Variants in NPHP1 observed in about 807,000 individuals in gnomAD.
NPHP1 encodes nephrocystin-1.
Under a neutral mutation model 90.4 loss-of-function variants are expected in NPHP1, and 70 were observed. The ratio of observed to expected loss-of-function variants is 0.77; its 90% CI spans 0.64 to 0.95. The LOEUF (loss-of-function observed/expected upper bound fraction) is 0.95. Among genes scored for constraint, NPHP1 ranks in the 40% least tolerant of loss-of-function variants. NPHP1 has a pLI of 0.00. For missense variants in NPHP1, 764 were observed against 795.9 expected (o/e 0.96, Z 0.48); for synonymous variants, 256 against 271.7 (o/e 0.94, Z 0.57).
intron 16 of NPHP1, among the ~76,000 whole-genome samples, chr2:110,135,471 C>G (rs1240844677): frequency 8.6e-6 from 1 of 116,054 alleles, no homozygotes; most frequent in South Asian, 2.8e-4. Context: ...AGCGAGACCC[C>G]GTCTCAAAAA....
intron 16 of NPHP1, among the ~76,000 whole-genome samples, chr2:110,138,027 GA>G (rs1553482797): frequency 4.6e-5 from 7 of 151,928 alleles, no homozygotes; most frequent in South Asian, 2.1e-4. Flanking sequence ...CCTTTGTAGG[GA>G]CATGGATGAA....
intron 2 of NPHP1, 56 bp from the exon 3 acceptor site, chr2:110,179,740 G>T: frequency 1.2e-6 from 1 of 830,670 alleles, no homozygotes; most frequent in Non-Finnish European, 2.0e-6. Context: ...GAACCAGAAA[G>T]CTATTTTATA....
chr2:110,174,657 T>C lies in NPHP1; in HGVS notation c.329+3766A>G, dbSNP rs1448123286. 3.3e-5 allele frequency among the ~76,000 whole-genome samples: 5 copies of C among 152,268 alleles called. No homozygotes were observed. The East Asian group carries it at 7.7e-4, about 23-fold the overall frequency. On this transcript the variant is annotated intron_variant, in intron 4 of 19. Transcript: ENST00000445609. ...TACTCACAGTGCTTTTGTGGTCATT[T>C]GTGGACATACACAAAGCAGCAAAAA...
At chr2:110,149,330 A>C (rs1681293217) in intron 12 of NPHP1, among the ~76,000 whole-genome samples, 1 of 152,164 alleles carries the variant, frequency 6.6e-6, no homozygotes, top group Admixed American at 6.5e-5. Flanking sequence ...AAACATTAAA[A>C]AATTCTACCC....
chr2:110,131,520 C>A (rs1184846057), intron 17 of NPHP1, among the ~76,000 whole-genome samples, 159 bp downstream of exon 17: 1 of 152,146 alleles, frequency 6.6e-6, no homozygotes, highest in Non-Finnish European at 1.5e-5. Flanking sequence ...TGCTTTGGAT[C>A]TGAAGATGTC....
intron 11 of NPHP1, among the ~76,000 whole-genome samples, chr2:110,153,759 A>G (rs906378165): frequency 6.6e-6 from 1 of 152,100 alleles, no homozygotes; most frequent in African/African-American, 2.4e-5. Flanking sequence ...AGGCAGGTGG[A>G]TCACCTGAGG....
At chr2:110,198,057 G>C (rs1685288713) in intron 2 of NPHP1, among the ~76,000 whole-genome samples, 1 of 151,940 alleles carries the variant, frequency 6.6e-6, no homozygotes, top group South Asian at 2.1e-4. Context: ...CGTTTGAAAA[G>C]GTAACAAACT....
intron 16 of NPHP1, among the ~76,000 whole-genome samples, chr2:110,140,032 C>T (rs1680513951): frequency 6.6e-6 from 1 of 152,104 alleles, no homozygotes; most frequent in African/African-American, 2.4e-5. Flanking sequence ...CCACCCCGCC[C>T]CCTGACTACA....
rs1684032113 is a variant in NPHP1 at position 110,183,215 on chromosome 2, C to T, written c.144-3531G>A. The stretch of plus-strand genomic sequence containing the variant: ...AATCTCTGCAGCACTGTGACATGTT[C>T]ATGATGGCCATGATGCCCATGGTGA... On this transcript the variant is annotated intron_variant, in intron 2 of 19. Transcript: ENST00000445609. 2.0e-5 allele frequency among the ~76,000 whole-genome samples: 3 copies of T among 152,128 alleles called. No homozygotes were observed. In the South Asian group the frequency reaches 6.2e-4, roughly 32 times the overall value.
At chr2:110,170,302 T>C (rs1054987956) in intron 4 of NPHP1, among the ~76,000 whole-genome samples, 3 of 152,180 alleles carry the variant, frequency 2.0e-5, no homozygotes, top group African/African-American at 7.2e-5. Flanking sequence ...AGCATTATTA[T>C]GAAGTACTTA....
At position 110,169,834 on chromosome 2, in the gene NPHP1, G is replaced by A; in HGVS notation, c.494C>T (p.Ala165Val). 6.2e-7 allele frequency: 1 copy of A among 1,613,256 alleles called. No homozygotes were observed. The highest frequency in any genetic ancestry group is 8.5e-7 in the Non-Finnish European group (1 of 1,179,350). Residue 165 changes from alanine (A) to valine (V), a missense_variant, in exon 5 of 20, where the codon GCT (alanine) becomes GTT (valine). Ala to Val is a moderately conservative substitution (Grantham distance 64, BLOSUM62 0). Coordinates refer to ENST00000445609, the MANE Select transcript of NPHP1 (RefSeq NM_001128178.3). ...EEYIAVGDFT[A>V]QQVGDLTFKK... Reference sequence around the variant, plus strand: ...AAATGTAAGATCTCCAACTTGCTGAGCAGTAAAATCTCCAACAGCGATGTA... The same window carrying A: ...AAATGTAAGATCTCCAACTTGCTGAACAGTAAAATCTCCAACAGCGATGTA...
chr2:110,139,187 T>C (rs952237135), intron 16 of NPHP1, among the ~76,000 whole-genome samples: 2 of 144,672 alleles, frequency 1.4e-5, no homozygotes, highest in African/African-American at 5.3e-5. Flanking sequence ...AAAAGGATAA[T>C]GAATTTATAG....
chr2:110,195,263 C>T (rs1247073252), intron 2 of NPHP1, among the ~76,000 whole-genome samples: 10 of 152,152 alleles, frequency 6.6e-5, no homozygotes, highest in African/African-American at 1.9e-4. Context: ...AAAACCCCAT[C>T]GTCTCAGCCT....
chr2:110,136,202 G>A (rs10179522), intron 16 of NPHP1, among the ~76,000 whole-genome samples: 9 of 151,802 alleles, frequency 5.9e-5, no homozygotes, highest in Admixed American at 2.6e-4. Context: ...TATGACAAAC[G>A]CACAGCCAAT....
At chr2:110,196,671 T>G (rs1307853525) in intron 2 of NPHP1, among the ~76,000 whole-genome samples, 2 of 152,172 alleles carry the variant, frequency 1.3e-5, no homozygotes, top group Admixed American at 1.3e-4. Context: ...CCCAAAGGAT[T>G]ATAAATCATG....
intron 2 of NPHP1, among the ~76,000 whole-genome samples, chr2:110,190,856 A>G (rs79124823): frequency 0.043 from 6,501 of 152,216 alleles, 456 homozygotes; most frequent in African/African-American, 0.15. Context: ...AAAATAAGCA[A>G]ATTTATAAGA....
Position 110,143,590 on chromosome 2 carries a change from A to T in NPHP1, c.1481T>A (p.Leu494His). 1.2e-6 allele frequency: 2 copies of T among 1,613,868 alleles called. No homozygotes were observed. Among genetic ancestry groups the T allele is most frequent in the Non-Finnish European group, 1.7e-6 (2 of 1,179,760 alleles). ...GTTCAAGGATCTCAGTTTCACTAGAAGTTGAGGCTGCCTTCTCATTGTCAT... is the reference window on the plus strand; with the variant it reads ...GTTCAAGGATCTCAGTTTCACTAGATGTTGAGGCTGCCTTCTCATTGTCAT... ...QIMTMRRQPQLLVKLRSLNRR... is the reference protein window; with the variant it reads ...QIMTMRRQPQHLVKLRSLNRR... The change falls in exon 16 of 20, where the codon CTT (leucine) becomes CAT (histidine). Residue 494 changes from leucine to histidine, a missense_variant. Coordinates refer to ENST00000445609, the MANE Select transcript of NPHP1 (RefSeq NM_001128178.3).
chr2:110,130,498 C>T (rs1301095694), intron 17 of NPHP1, among the ~76,000 whole-genome samples: 3 of 152,146 alleles, frequency 2.0e-5, no homozygotes, highest in Non-Finnish European at 4.4e-5. Flanking sequence ...CCCGTCCTCC[C>T]CCTTAGAGTT....
intron 16 of NPHP1, among the ~76,000 whole-genome samples, chr2:110,133,864 G>A (rs918701837): frequency 6.6e-6 from 1 of 151,780 alleles, no homozygotes; most frequent in African/African-American, 2.4e-5. Context: ...AAATTTACAA[G>A]ATACAGTGAA....
Sources: gnomAD v4.1 joint callset for allele counts (sites outside exome capture counted in the v4.1 genomes callset) on GRCh38, gnomAD v4.1.1 for gene constraint, MANE v1.5 for transcripts, NCBI Gene and HGNC (gene_info 2026-07-23, HGNC 2026-07-21) for gene names.